Variants in FHIT observed in about 807,000 individuals in gnomAD.
The protein encoded by FHIT is fragile histidine triad diadenosine triphosphatase, also known as bis(5'-adenosyl)-triphosphatase.
FHIT carries 19 observed loss-of-function variants against 17.9 expected under a neutral mutation model. That is an observed-to-expected ratio of 1.06 (90% CI 0.74 to 1.56). The LOEUF (loss-of-function observed/expected upper bound fraction) is 1.56. Among genes scored for constraint, FHIT ranks in the 40% most tolerant of loss-of-function variants. The pLI is 0.00. For missense variants in FHIT, 248 were observed against 189.2 expected (o/e 1.31, Z -1.82); for synonymous variants, 81 against 69.7 (o/e 1.16, Z -0.81).
In FHIT at chr3:59,837,604, C is replaced by T. The variant is rs1701384776; in HGVS notation, c.348+84742G>A. ...ATCCTATTTGAGAAATTCAGGATTA[C>T]ACAAGTAAACAAAAGTTGAGAGAAC... On this transcript the variant is annotated intron_variant, in intron 8 of 9. Coordinates refer to ENST00000492590, the MANE Select transcript of FHIT (RefSeq NM_002012.4). Among the ~76,000 whole-genome samples the T allele has an allele frequency of 2.0e-5, 3 of 152,204 alleles. No homozygotes were observed. In the South Asian group the frequency reaches 6.2e-4, roughly 32 times the overall value.
At chr3:60,924,575 G>A (rs1333803423) in intron 3 of FHIT, among the ~76,000 whole-genome samples, 1 of 152,116 alleles carries the variant, frequency 6.6e-6, no homozygotes, top group Non-Finnish European at 1.5e-5. Flanking sequence ...CATCATCAAA[G>A]ACCAAAGGTA....
chr3:60,454,424 AC>A (rs1329526440), intron 5 of FHIT, among the ~76,000 whole-genome samples: 4 of 150,324 alleles, frequency 2.7e-5, no homozygotes. Context: ...TCACTCTGTC[AC>A]CCAGGCTGGA....
At chr3:60,375,970 T>G (rs1700542652) in intron 5 of FHIT, among the ~76,000 whole-genome samples, 1 of 152,172 alleles carries the variant, frequency 6.6e-6, no homozygotes. Flanking sequence ...TTTTATTCCT[T>G]TTTAATTAAT....
At chr3:60,251,078 A>G (rs972116644) in intron 5 of FHIT, among the ~76,000 whole-genome samples, 8 of 152,172 alleles carry the variant, frequency 5.3e-5, no homozygotes, top group Non-Finnish European at 1.0e-4. Flanking sequence ...CTTCCCCCAT[A>G]CAGATTTTAT....
chr3:60,153,053 C>A (rs1215681663), intron 5 of FHIT, among the ~76,000 whole-genome samples: 1 of 152,096 alleles, frequency 6.6e-6, no homozygotes, highest in Non-Finnish European at 1.5e-5. Flanking sequence ...TTTCTCACTG[C>A]CTCTGTTTAT....
At chr3:61,212,192 T>C (rs1036922335) in intron 1 of FHIT, among the ~76,000 whole-genome samples, 48 of 152,144 alleles carry the variant, frequency 3.2e-4, no homozygotes, top group African/African-American at 1.1e-3. Context: ...CTTCAGACGA[T>C]CAAACTACTC....
At chr3:60,735,722 A>T (rs2042121061) in intron 4 of FHIT, among the ~76,000 whole-genome samples, 1 of 152,236 alleles carries the variant, frequency 6.6e-6, no homozygotes, top group African/African-American at 2.4e-5. Flanking sequence ...AAAAGCTCTT[A>T]ACTTTATAGA....
chr3:60,384,679 TCAC>T (rs1700937171), intron 5 of FHIT, among the ~76,000 whole-genome samples: 1 of 145,182 alleles, frequency 6.9e-6, no homozygotes, highest in African/African-American at 2.5e-5. Flanking sequence ...CCATTGTGAA[TCAC>T]TACAGAAAAT....
intron 5 of FHIT, among the ~76,000 whole-genome samples, chr3:60,348,016 C>T (rs1710884278): frequency 6.6e-6 from 1 of 152,134 alleles, no homozygotes; most frequent in Admixed American, 6.5e-5. Flanking sequence ...TCCTTAGCCT[C>T]CCAAAGTTCT....
intron 4 of FHIT, among the ~76,000 whole-genome samples, chr3:60,635,707 T>C (rs1553683653): frequency 1.3e-5 from 2 of 152,150 alleles, no homozygotes; most frequent in African/African-American, 4.8e-5. Context: ...GACTGCATAG[T>C]AAGTGGCCGA....
At chr3:59,792,872 T>TG (rs139940738) in intron 8 of FHIT, among the ~76,000 whole-genome samples, 4,506 of 134,624 alleles carry the variant, frequency 0.033, 242 homozygotes, top group African/African-American at 0.11. Flanking sequence ...CCTTATTTTT[T>TG]GGGGGGGGGG....
intron 4 of FHIT, among the ~76,000 whole-genome samples, chr3:60,608,629 G>A (rs2038684732): frequency 6.6e-6 from 1 of 151,974 alleles, no homozygotes. Flanking sequence ...CAGGAACTGG[G>A]CCCAATATCA....
chr3:60,014,226 G>T, intron 5 of FHIT, 74 bp from the exon 6 acceptor site: 1 of 1,485,704 alleles, frequency 6.7e-7, no homozygotes, highest in Non-Finnish European at 9.3e-7. Context: ...ATACCCACAG[G>T]ATTGAATCCT....
intron 9 of FHIT, chr3:59,750,277 GA>G: frequency 4.0e-5 from 9 of 225,692 alleles, no homozygotes; most frequent in Middle Eastern, 1.4e-3. Context: ...CAAGCCTTGG[GA>G]AAAAGGCTAA....
At chr3:61,124,576 T>C (rs1026674619) in intron 2 of FHIT, among the ~76,000 whole-genome samples, 5 of 152,110 alleles carry the variant, frequency 3.3e-5, no homozygotes, top group Non-Finnish European at 5.9e-5. Context: ...AATCAGCTCT[T>C]AAAAATAAGT....
At chr3:59,952,825 T>C (rs1388681231) in intron 7 of FHIT, among the ~76,000 whole-genome samples, 4 of 152,164 alleles carry the variant, frequency 2.6e-5, no homozygotes, top group Admixed American at 1.3e-4. Context: ...CCTTATCCAT[T>C]AGGGTCACAC....
intron 5 of FHIT, among the ~76,000 whole-genome samples, chr3:60,285,931 T>C (rs74752106): frequency 0.046 from 6,983 of 152,208 alleles, 546 homozygotes; most frequent in African/African-American, 0.16. Flanking sequence ...CTAGAACTCT[T>C]ATAACTCACG....
At chr3:60,695,612 G>T (rs1400562162) in intron 4 of FHIT, among the ~76,000 whole-genome samples, 1 of 152,130 alleles carries the variant, frequency 6.6e-6, no homozygotes, top group East Asian at 1.9e-4. Context: ...GGGAGGATCA[G>T]CTGTGATAAT....
intron 4 of FHIT, among the ~76,000 whole-genome samples, chr3:60,714,229 A>T (rs1464083883): frequency 6.6e-6 from 1 of 152,092 alleles, no homozygotes; most frequent in Non-Finnish European, 1.5e-5. Flanking sequence ...GACAAAATTC[A>T]ACAACCCTTC....
Sources: gnomAD v4.1 joint callset for allele counts (sites outside exome capture counted in the v4.1 genomes callset) on GRCh38, gnomAD v4.1.1 for gene constraint, MANE v1.5 for transcripts, NCBI Gene and HGNC (gene_info 2026-07-23, HGNC 2026-07-21) for gene names.